The following AGBL2 variants were observed in gnomAD, a reference collection of about 807,000 sequenced individuals.
AGBL2 encodes AGBL carboxypeptidase 2.
A neutral mutation model predicts 103.0 loss-of-function variants in AGBL2; 87 were observed. That is an observed-to-expected ratio of 0.84 (90% CI 0.71 to 1.01). The LOEUF is 1.01. Among genes scored for constraint, AGBL2 ranks in the 50% least tolerant of loss-of-function variants. The probability of loss-of-function intolerance (pLI) is 0.00; values close to 1 mark genes in which losing one functional copy is unlikely to be tolerated. For missense variants in AGBL2, 904 were observed against 1,023.5 expected (o/e 0.88, Z 1.59); for synonymous variants, 335 against 356.7 (o/e 0.94, Z 0.69).
intron 14 of AGBL2, among the ~76,000 whole-genome samples, chr11:47,670,146 C>G (rs1292444917): frequency 6.6e-6 from 1 of 152,218 alleles, no homozygotes; most frequent in East Asian, 1.9e-4. Context: ...CAGCAGAGGA[C>G]TGTCATTTGT....
intron 7 of AGBL2, among the ~76,000 whole-genome samples, chr11:47,703,726 G>A (rs966145767): frequency 3.3e-5 from 5 of 151,964 alleles, no homozygotes; most frequent in Non-Finnish European, 2.9e-5. Flanking sequence ...GGGAGTTCGA[G>A]ACCAGACTGA....
At chr11:47,692,840 CAGGGTCTCACTCTAT>C (rs1282549279) in intron 8 of AGBL2, among the ~76,000 whole-genome samples, 2 of 151,962 alleles carry the variant, frequency 1.3e-5, no homozygotes, top group Non-Finnish European at 2.9e-5. Context: ...TTGTTTGAGA[CAGGGTCTCACTCTAT>C]CACCCAGGCT....
chr11:47,711,996 C>T (rs1016821214), intron 3 of AGBL2, among the ~76,000 whole-genome samples: 2 of 152,134 alleles, frequency 1.3e-5, no homozygotes, highest in Non-Finnish European at 1.5e-5. Flanking sequence ...TCGCTTAAGC[C>T]TGGGAAGTCA....
chr11:47,670,303 G>A (rs1392576690), intron 14 of AGBL2, among the ~76,000 whole-genome samples: 3 of 152,040 alleles, frequency 2.0e-5, no homozygotes, highest in South Asian at 2.1e-4. Flanking sequence ...GATACAGTAC[G>A]TCGCTGTATC....
intron 12 of AGBL2, among the ~76,000 whole-genome samples, chr11:47,680,300 G>T (rs1159364963): frequency 6.6e-6 from 1 of 151,498 alleles, no homozygotes; most frequent in Non-Finnish European, 1.5e-5. Flanking sequence ...AAAATACAAA[G>T]AAAATTAGCC....
chr11:47,699,694 T>G (rs566883384), intron 7 of AGBL2, 141 bp from the exon 8 acceptor site: 3 of 517,118 alleles, frequency 5.8e-6, no homozygotes, highest in Non-Finnish European at 9.9e-6. Context: ...AATTTCCTGC[T>G]TGTTTATAAA....
At chr11:47,678,343 A>ATTATTTTTTTTTTT (rs2097385523) in intron 13 of AGBL2, among the ~76,000 whole-genome samples, 55 of 116,750 alleles carry the variant, frequency 4.7e-4, no homozygotes, top group East Asian at 1.2e-3. Context: ...TTATTATTTT[A>ATTATTTTTTTTTTT]TTTTTTTTGA....
At position 47,692,262 on chromosome 11, in the gene AGBL2, G is replaced by A. The variant is rs774344557; in HGVS notation, c.695-6C>T. On this transcript the variant is annotated splice_polypyrimidine_tract_variant and splice_region_variant and intron_variant, in intron 8 of 18. Coordinates refer to ENST00000525123, the MANE Select transcript of AGBL2 (RefSeq NM_024783.4). ...ATAGGAACCTTCTATAGGCACTGCA[G>A]AGAAAAGATATATTTAGGCTAGGTT... The A allele has an allele frequency of 3.5e-5, 56 of 1,613,046 alleles. No individual in the cohort carries two copies. Among genetic ancestry groups the A allele is most frequent in the Non-Finnish European group, 4.6e-5 (54 of 1,179,306 alleles).
intron 14 of AGBL2, among the ~76,000 whole-genome samples, chr11:47,673,719 G>A (rs2153803069): frequency 6.6e-6 from 1 of 151,092 alleles, no homozygotes; most frequent in East Asian, 1.9e-4. Flanking sequence ...GCTTGAACCC[G>A]GGAAGCGGAG....
chr11:47,675,250 G>C (rs911787186), intron 14 of AGBL2, among the ~76,000 whole-genome samples: 1 of 123,600 alleles, frequency 8.1e-6, no homozygotes, highest in African/African-American at 3.1e-5. Flanking sequence ...ACTCTATAGC[G>C]CAGATTGTAG....
chr11:47,709,356 G>C (rs1344073887), intron 4 of AGBL2, among the ~76,000 whole-genome samples: 1 of 150,788 alleles, frequency 6.6e-6, no homozygotes, highest in Non-Finnish European at 1.5e-5. Flanking sequence ...GGGTGTAAGG[G>C]TAGCGGTGGA....
intron 14 of AGBL2, among the ~76,000 whole-genome samples, chr11:47,669,752 C>T (rs1050131346): frequency 6.6e-6 from 1 of 151,886 alleles, no homozygotes; most frequent in Non-Finnish European, 1.5e-5. Context: ...GCTGGAACTA[C>T]AGGTGCCCGC....
intron 10 of AGBL2, among the ~76,000 whole-genome samples, 197 bp downstream of exon 10, chr11:47,689,879 C>A (rs553425268): frequency 6.6e-6 from 1 of 152,040 alleles, no homozygotes; most frequent in Non-Finnish European, 1.5e-5. Context: ...CCAGTTTCAA[C>A]CCAAAGACAA....
intron 8 of AGBL2, among the ~76,000 whole-genome samples, chr11:47,696,010 CAAAAAAAAAAA>C (rs1171058500): frequency 3.5e-4 from 6 of 17,216 alleles, no homozygotes; most frequent in African/African-American, 1.6e-3. Flanking sequence ...ACTAAAAATA[CAAAAAAAAAAA>C]AAAAAAAAAA....
chr11:47,689,779 T>C (rs1174052094), intron 10 of AGBL2, among the ~76,000 whole-genome samples: 1 of 152,204 alleles, frequency 6.6e-6, no homozygotes, highest in Admixed American at 6.6e-5. Context: ...AGTCTCATCA[T>C]GAAGACCTAT....
chr11:47,663,189 T>C, intron 17 of AGBL2, 77 bp from the exon 18 acceptor site: 1 of 867,738 alleles, frequency 1.2e-6, no homozygotes. Flanking sequence ...ATTATTCATT[T>C]GTTTCTTATT....
chr11:47,666,410 A>G (rs2097341514), intron 17 of AGBL2, among the ~76,000 whole-genome samples: 1 of 152,010 alleles, frequency 6.6e-6, no homozygotes, highest in Non-Finnish European at 1.5e-5. Flanking sequence ...AAAAAAGAAA[A>G]AAAATCAAAG....
At chr11:47,692,962 G>A (rs2097453901) in intron 8 of AGBL2, among the ~76,000 whole-genome samples, 3 of 151,888 alleles carry the variant, frequency 2.0e-5, no homozygotes, top group Admixed American at 2.0e-4. Flanking sequence ...GGGACCACAG[G>A]AGTGCACCAC....
chr11:47,705,945 G>C (rs772952942), intron 4 of AGBL2, 28 bp from the exon 5 acceptor site: 5 of 1,604,966 alleles, frequency 3.1e-6, no homozygotes, highest in Non-Finnish European at 4.3e-6. Flanking sequence ...AGGCACCCTT[G>C]GTGTCAGGGA....
Sources: gnomAD v4.1 joint callset for allele counts (sites outside exome capture counted in the v4.1 genomes callset) on GRCh38, gnomAD v4.1.1 for gene constraint, MANE v1.5 for transcripts, NCBI Gene and HGNC (gene_info 2026-07-23, HGNC 2026-07-21) for gene names.